Variants in PLXNB2 observed in about 807,000 individuals in gnomAD.
PLXNB2 encodes plexin B2.
In PLXNB2, 85 loss-of-function variants were observed where a neutral mutation model predicts 202.6. The observed-to-expected ratio is 0.42, with a 90% CI of 0.35 to 0.50. The LOEUF (loss-of-function observed/expected upper bound fraction) is 0.50, where lower values mean the gene tolerates loss of function less well. PLXNB2 is among the 20% of genes least tolerant of loss of function. The pLI is 0.02. For missense variants in PLXNB2, 2,063 were observed against 2,586.2 expected, an observed-to-expected ratio of 0.80 and a Z score of 4.39; for synonymous variants, 1,239 against 1,137.6, an observed-to-expected ratio of 1.09 and a Z score of -1.79.
At chr22:50,287,313 G>A (rs1461752539) in intron 7 of PLXNB2, 49 bp from the exon 8 acceptor site, 2 of 1,451,032 alleles carry the variant, frequency 1.4e-6, no homozygotes, top group Non-Finnish European at 1.8e-6. Flanking sequence ...AGTCCTGTCA[G>A]CCCACCTGCC....
In PLXNB2 at chr22:50,297,729, G is replaced by C. The variant is rs1248059944; in HGVS notation, c.-73-2951C>G. Reference sequence around the variant, plus strand: ...GGGACCTCGAGGCCTGAAGTCCAGAGCCAGACCAGTGAGTTCACACCCCAG... The same window carrying C: ...GGGACCTCGAGGCCTGAAGTCCAGACCCAGACCAGTGAGTTCACACCCCAG... On this transcript the variant is annotated intron_variant, in intron 1 of 36. Coordinates refer to ENST00000359337, the MANE Select transcript of PLXNB2 (RefSeq NM_012401.4). The surrounding 1 kb of genome is among the most constrained non-coding windows in gnomAD (Gnocchi z 5.3). Among the ~76,000 whole-genome samples the C allele has an allele frequency of 2.0e-5, 3 of 152,216 alleles. No homozygotes were observed. Among genetic ancestry groups the C allele is most frequent in the Non-Finnish European group, 4.4e-5 (3 of 68,032 alleles).
chr22:50,299,570 C>T (rs2067531935), intron 1 of PLXNB2, among the ~76,000 whole-genome samples: 1 of 152,178 alleles, frequency 6.6e-6, no homozygotes, highest in African/African-American at 2.4e-5. Context: ...ATCCCAGCCT[C>T]CGCTGTTTTC....
At chr22:50,286,412 G>A in intron 8 of PLXNB2, 125 bp from the exon 9 acceptor site, 2 of 655,560 alleles carry the variant, frequency 3.1e-6, no homozygotes, top group South Asian at 3.5e-5. Flanking sequence ...GGCCCTGCCA[G>A]GACGCCCCGC....
intron 1 of PLXNB2, chr22:50,300,465 G>A (rs2147701970): frequency 3.3e-6 from 1 of 300,294 alleles, no homozygotes; most frequent in Non-Finnish European, 4.9e-6. Context: ...GCCTCCCGCA[G>A]GACTCCGGAC....
rs571371178 is a variant in PLXNB2 at position 50,276,426 on chromosome 22, G to T, written c.5337+203C>A. 3.3e-5 allele frequency among the ~76,000 whole-genome samples: 5 copies of T among 151,998 alleles called. No individual in the cohort carries two copies. The East Asian group carries it at 9.7e-4, about 30-fold the overall frequency. On this transcript the variant is annotated intron_variant, in intron 35 of 36. Coordinates refer to ENST00000359337, the MANE Select transcript of PLXNB2 (RefSeq NM_012401.4). The stretch of plus-strand genomic sequence containing the variant: ...CGCAGGGAGGGGGCGCTGTGGGCAG[G>T]GCCTGGCTCCAAGCAGGAGCAGCTC...
At position 50,276,650 on chromosome 22, in the gene PLXNB2, T is replaced by C. The variant is rs758513626; in HGVS notation, c.5316A>G (p.Thr1772=). The change falls in exon 35 of 37, where the codon ACA becomes ACG. Residue 1772 remains threonine, a synonymous_variant. Coordinates refer to ENST00000359337, the MANE Select transcript of PLXNB2 (RefSeq NM_012401.4). ...MVQVSDQDMN[T]HLAEISRAHT... ...TTACCCGGGAAATCTCTGCCAGGTG[T>C]GTGTTCATGTCCTGGTCGCTGACCT... 3 of 1,613,706 alleles carry C rather than the reference T, an allele frequency of 1.9e-6. No homozygotes were observed. Among genetic ancestry groups the C allele is most frequent in the East Asian group, 2.2e-5 (1 of 44,872 alleles).
chr22:50,277,990 G>A lies in PLXNB2; in HGVS notation c.4911C>T (p.Asp1637=). 1 of 1,612,868 alleles carries A rather than the reference G, an allele frequency of 6.2e-7. No homozygotes were observed. The highest frequency in any genetic ancestry group is 8.5e-7 in the Non-Finnish European group (1 of 1,179,834). The part of the protein sequence containing the change: ...SVKGTLQQFV[D]NFFQSVLAPG... ...GCGCCAGCACGCTCTGGAAGAAGTT[G>A]TCCACAAACTGCTGCAGTGTGCCCT... The change falls in exon 32 of 37, where the codon GAC becomes GAT. Residue 1637 remains aspartate (D), a synonymous_variant. Coordinates refer to ENST00000359337, the MANE Select transcript of PLXNB2 (RefSeq NM_012401.4).
chr22:50,305,788 CGGGGCGAGGGGGTCCCTGGGT>C (rs1290070003), intron 1 of PLXNB2, among the ~76,000 whole-genome samples: 4 of 152,104 alleles, frequency 2.6e-5, no homozygotes, highest in East Asian at 3.9e-4. Flanking sequence ...TGAGACTTCT[CGGGGCGAGGGGGTCCCTGGGT>C]GGGGCGAGGG....
In PLXNB2 at chr22:50,284,661, G is replaced by T; in HGVS notation, c.2093C>A (p.Ser698Tyr). ...CAAGTCACTGCCCACGTGCAGGGAG[G>T]AACCCTGCAGACCATGCCGTCAGGA... ...QGKNLDTVKGSSLHVGSDLLK... is the reference protein window; with the variant it reads ...QGKNLDTVKGYSLHVGSDLLK... Residue 698 changes from serine to tyrosine, a missense_variant, in exon 12 of 37, where the codon TCC becomes TAC. Ser to Tyr is a moderately radical substitution (Grantham distance 144). Coordinates refer to ENST00000359337, the MANE Select transcript of PLXNB2 (RefSeq NM_012401.4). This position sits in a 1 kb window ranked among gnomAD's most constrained non-coding sequence, Gnocchi z 8.0. 1 of 1,610,110 alleles carries T rather than the reference G, an allele frequency of 6.2e-7. No individual in the cohort carries two copies. Among genetic ancestry groups the T allele is most frequent in the African/African-American group, 1.3e-5 (1 of 74,918 alleles).
In PLXNB2 at chr22:50,289,786, G is replaced by A. The variant is rs777651523; in HGVS notation, c.799C>T (p.Arg267Trp). The A allele has an allele frequency of 1.5e-5, 24 of 1,612,918 alleles. No homozygotes were observed. Among genetic ancestry groups the A allele is most frequent in the East Asian group, 2.2e-5 (1 of 44,900 alleles). Residue 267 changes from arginine to tryptophan, a missense_variant, in exon 3 of 37, where the codon CGG becomes TGG. Around this residue, in one of 2 missense-constraint regions of PLXNB2, gnomAD observed 1,303 missense variants for 1,476.8 expected, o/e 0.88. Coordinates refer to ENST00000359337, the MANE Select transcript of PLXNB2 (RefSeq NM_012401.4). The surrounding 1 kb of genome is among the most constrained non-coding windows in gnomAD (Gnocchi z 8.0). ...GCAGCGGCGTGGATGTCGGGGTCCC[G>A]GCACTGCAGGTCCATCTCCAGGTAG... The part of the protein sequence containing the change: ...YSYLEMDLQC[R>W]DPDIHAAAFG...
chr22:50,276,788 G>A (rs370448910), intron 34 of PLXNB2, 54 bp downstream of exon 34: 92 of 1,591,732 alleles, frequency 5.8e-5, no homozygotes, highest in East Asian at 4.5e-4. Flanking sequence ...GAACCTCCCC[G>A]CAGGGGGTCG....
At chr22:50,277,362 G>A (rs139561039) in intron 33 of PLXNB2, among the ~76,000 whole-genome samples, 4 of 152,076 alleles carry the variant, frequency 2.6e-5, no homozygotes, top group African/African-American at 9.6e-5. Context: ...TTCTCTGCTC[G>A]TGTGCTGTGG....
Position 50,282,271 on chromosome 22 carries a change from C to T in PLXNB2, c.3030G>A (p.Leu1010=), listed in dbSNP as rs779950212. Residue 1010 remains leucine, a synonymous_variant, in exon 19 of 37, where the codon CTG becomes CTA. Transcript: ENST00000359337. ...SINVTGQGFS[L]IQRFAMVVIA... ...TGACCACCATGGCAAACCTCTGGAT[C>T]AGGCTGAAGCCCTGACCCGTGACGT... is the stretch of plus-strand genomic sequence containing the variant. 1.5e-5 allele frequency: 24 copies of T among 1,612,336 alleles called. No homozygotes were observed. In the East Asian group the frequency reaches 5.1e-4, roughly 34 times the overall value.
At chr22:50,301,336 A>C in intron 1 of PLXNB2, 1 of 957,246 alleles carries the variant, frequency 1.0e-6, no homozygotes, top group Non-Finnish European at 1.2e-6. Flanking sequence ...TGGGCAGCGC[A>C]ATGAACCTAC....
chr22:50,287,734 C>T lies in PLXNB2; in HGVS notation c.1541G>A (p.Arg514Gln), dbSNP rs374467610. 19 of 1,578,340 alleles carry T rather than the reference C, an allele frequency of 1.2e-5. No homozygotes were observed. Among genetic ancestry groups the T allele is most frequent in the African/African-American group, 8.0e-5 (6 of 74,574 alleles). The change falls in exon 7 of 37, where the codon CGA becomes CAA. Residue 514 changes from arginine (R) to glutamine (Q), a missense_variant. Arg to Gln is a conservative substitution (Grantham distance 43). Transcript: ENST00000359337. ...AEEASHWLWS[R>Q]SKSCVAVTSA... ...GGTGACGGCCACGCAGGACTTGCTT[C>T]GGCTCCACAGCCAGTGGCTGGCCTC...
Position 50,286,009 on chromosome 22 carries a change from C to A in PLXNB2, c.1967G>T (p.Gly656Val), listed in dbSNP as rs1197970133. ...CCTCACCATGTGGGCACGGACGATGCCGTCCTCAGGGTTGGGCGAAGCCTC... is the reference window on the plus strand; with the variant it reads ...CCTCACCATGTGGGCACGGACGATGACGTCCTCAGGGTTGGGCGAAGCCTC... ...CREASPNPEDGIVRAHMEDSC... is the reference protein window; with the variant it reads ...CREASPNPEDVIVRAHMEDSC... The change falls in exon 10 of 37, where the codon GGC becomes GTC. Residue 656 changes from glycine (G) to valine (V), a missense_variant. Physicochemically the swap from Gly to Val is moderately radical, Grantham distance 109 (BLOSUM62 -3). This residue lies in a region of PLXNB2 where 1,303 missense variants were observed against 1,476.8 expected (regional missense o/e 0.88). Transcript: ENST00000359337. 6.2e-7 allele frequency: 1 copy of A among 1,612,200 alleles called. No homozygotes were observed. The highest frequency in any genetic ancestry group is 8.5e-7 in the Non-Finnish European group (1 of 1,179,860).
In PLXNB2 at chr22:50,281,284, G is replaced by A. The variant is rs1406954262; in HGVS notation, c.3662+76C>T. 81 of 1,578,154 alleles carry A rather than the reference G, an allele frequency of 5.1e-5. No homozygotes were observed. The Admixed American group carries it at 6.0e-4, about 12-fold the overall frequency. On this transcript the variant is annotated intron_variant, in intron 22 of 36. Coordinates refer to ENST00000359337, the MANE Select transcript of PLXNB2 (RefSeq NM_012401.4). ...ATCTACACGCCTGCCTGTGCAGGGC[G>A]GCGGATGAGGCCAGAGGGGCCGAGG... is the stretch of plus-strand genomic sequence containing the variant.
rs767996562 is a variant in PLXNB2, at chr22:50,281,572, C to T, written c.3516G>A (p.Glu1172=). ...QKRDTTHNLP[E]FIVKFGSREW... The stretch of plus-strand genomic sequence containing the variant: ...CCAGTCCCCGCTCACGCACAATGAA[C>T]TCGGGCAGGTTGTGTGTGGTGTCTC... The change falls in exon 21 of 37, where the codon GAG becomes GAA. Residue 1172 remains glutamate, a synonymous_variant. Transcript: ENST00000359337. 24 of 1,610,896 alleles carry T rather than the reference C, an allele frequency of 1.5e-5. 1 individual carries two copies. Among genetic ancestry groups the T allele is most frequent in the Middle Eastern group, 1.7e-4 (1 of 6,054 alleles).
intron 1 of PLXNB2, among the ~76,000 whole-genome samples, chr22:50,306,679 GCCCACC>G (rs1362547702): frequency 6.0e-4 from 85 of 141,226 alleles, no homozygotes; most frequent in Admixed American, 1.4e-3. Context: ...CGGGTTTGGG[GCCCACC>G]CTCACCCTCA....
Sources: allele counts gnomAD v4.1 joint callset (sites outside exome capture counted in the v4.1 genomes callset), GRCh38; gene constraint gnomAD v4.1.1; regional missense constraint gnomAD v4.1.1; non-coding constraint Gnocchi (gnomAD v3.1); transcripts MANE v1.5; gene names NCBI Gene and HGNC (gene_info 2026-07-23, HGNC 2026-07-21).